The following ERCC6L2 variants were observed in gnomAD, a reference collection of about 807,000 sequenced individuals.
ERCC6L2 encodes DNA excision repair protein ERCC-6-like 2.
ERCC6L2 carries 77 observed loss-of-function variants against 132.0 expected under a neutral mutation model. The observed-to-expected ratio is 0.58, with a 90% CI of 0.49 to 0.71. The LOEUF (loss-of-function observed/expected upper bound fraction) is 0.71. Among genes scored for constraint, ERCC6L2 ranks in the 30% least tolerant of loss-of-function variants. The pLI is 0.00. For missense variants in ERCC6L2, 1,542 were observed against 1,837.6 expected (o/e 0.84, Z 2.94); for synonymous variants, 583 against 632.4 (o/e 0.92, Z 1.17).
intron 17 of ERCC6L2, among the ~76,000 whole-genome samples, chr9:96,001,332 G>C (rs1833670530): frequency 6.6e-6 from 1 of 152,298 alleles, no homozygotes; most frequent in East Asian, 1.9e-4. Flanking sequence ...CCTGCTGATT[G>C]GTGGAGCCGA....
intron 11 of ERCC6L2, among the ~76,000 whole-genome samples, chr9:95,936,094 G>A (rs1167377881): frequency 6.6e-6 from 1 of 152,140 alleles, no homozygotes; most frequent in African/African-American, 2.4e-5. Context: ...GTGGTAATAG[G>A]AATGGAGAAG....
chr9:95,971,380 T>A (rs1832406115), intron 15 of ERCC6L2, among the ~76,000 whole-genome samples: 1 of 152,190 alleles, frequency 6.6e-6, no homozygotes, highest in Non-Finnish European at 1.5e-5. Context: ...CTCTGATTAA[T>A]GTGCAAAGGT....
At chr9:95,922,904 A>AT (rs201379564) in intron 8 of ERCC6L2, among the ~76,000 whole-genome samples, 4,893 of 152,174 alleles carry the variant, frequency 0.032, 118 homozygotes, top group Middle Eastern at 0.051. Flanking sequence ...ATGATTTTAT[A>AT]TTTTTTTCTG....
Position 95,876,044 on chromosome 9 carries a change from T to C in ERCC6L2, c.6T>C (p.Asp2=). The change falls in exon 1 of 19, where the codon GAT becomes GAC. Residue 2 remains aspartate, a synonymous_variant. Coordinates refer to ENST00000653738, the MANE Select transcript of ERCC6L2 (RefSeq NM_020207.7). M[D]PSAPQPRAET... is the part of the protein sequence containing the mutation. ...CGGCCCCTCCCCCTGGCCGGATGGA[T>C]CCGTCGGCGCCACAGCCCCGCGCGG... 2 of 1,589,122 alleles carry C rather than the reference T, an allele frequency of 1.3e-6. No homozygotes were observed. Among genetic ancestry groups the C allele is most frequent in the Non-Finnish European group, 1.7e-6 (2 of 1,168,630 alleles).
intron 12 of ERCC6L2, among the ~76,000 whole-genome samples, chr9:95,944,522 T>C (rs1433921130): frequency 6.6e-6 from 1 of 152,188 alleles, no homozygotes; most frequent in East Asian, 1.9e-4. Context: ...GTAAATCGTT[T>C]TGTATGTTTT....
intron 19 of ERCC6L2, among the ~76,000 whole-genome samples, chr9:96,023,834 A>C (rs979893432): frequency 6.6e-6 from 1 of 152,184 alleles, no homozygotes; most frequent in African/African-American, 2.4e-5. Flanking sequence ...GACTTGAAAC[A>C]ATTGTGATGA....
At chr9:95,961,158 T>C (rs1374067396) in intron 13 of ERCC6L2, among the ~76,000 whole-genome samples, 2 of 152,114 alleles carry the variant, frequency 1.3e-5, no homozygotes, top group Non-Finnish European at 2.9e-5. Flanking sequence ...TAACCCTTGG[T>C]ACCTGTGAAT....
In ERCC6L2 at chr9:95,910,078, A is replaced by G. The variant is rs113688052; in HGVS notation, c.788+2807A>G. On this transcript the variant is annotated intron_variant, in intron 4 of 18. Coordinates refer to ENST00000653738, the MANE Select transcript of ERCC6L2 (RefSeq NM_020207.7). ...TTGGATGTAGTGTTTATAAATATCA[A>G]TAAGACTAGATTGGCCAAGATGTTG... is the stretch of plus-strand genomic sequence containing the variant. Among the ~76,000 whole-genome samples, 1,155 of 152,322 alleles carry G rather than the reference A, an allele frequency of 7.6e-3. 23 individuals are homozygous for G. The highest frequency in any genetic ancestry group is 0.027 in the African/African-American group (1,121 of 41,572).
chr9:96,035,241 C>A (rs1286310329), intron 19 of ERCC6L2, among the ~76,000 whole-genome samples: 1 of 152,128 alleles, frequency 6.6e-6, no homozygotes, highest in African/African-American at 2.4e-5. Flanking sequence ...GGGCGGGTCC[C>A]AGTAAGGCCC....
intron 17 of ERCC6L2, among the ~76,000 whole-genome samples, chr9:95,980,162 G>A (rs1468831468): frequency 6.6e-6 from 1 of 152,100 alleles, no homozygotes; most frequent in African/African-American, 2.4e-5. Context: ...TCTTTCAGTC[G>A]AAATATTTTT....
At chr9:95,944,103 T>G (rs1376557049) in intron 12 of ERCC6L2, among the ~76,000 whole-genome samples, 2 of 152,158 alleles carry the variant, frequency 1.3e-5, no homozygotes, top group African/African-American at 2.4e-5. Flanking sequence ...TCACAATAGC[T>G]AAAATGTGGA....
At chr9:96,034,837 G>A (rs1006553632) in intron 19 of ERCC6L2, among the ~76,000 whole-genome samples, 6 of 152,036 alleles carry the variant, frequency 3.9e-5, no homozygotes, top group African/African-American at 1.5e-4. Context: ...GAGGGAGCCA[G>A]GAGCAGGCAG....
At chr9:96,001,262 G>A (rs1340583549) in intron 17 of ERCC6L2, among the ~76,000 whole-genome samples, 5 of 152,254 alleles carry the variant, frequency 3.3e-5, no homozygotes, top group Non-Finnish European at 7.4e-5. Context: ...GGACCCGAGC[G>A]GGTTGCCAAT....
chr9:95,999,644 G>A (rs539721447), intron 17 of ERCC6L2, among the ~76,000 whole-genome samples: 9 of 152,118 alleles, frequency 5.9e-5, no homozygotes, highest in Middle Eastern at 3.4e-3. Context: ...CAAAATATGA[G>A]GATGGTATTT....
intron 17 of ERCC6L2, among the ~76,000 whole-genome samples, chr9:95,999,471 C>T (rs2133185568): frequency 6.6e-6 from 1 of 152,220 alleles, no homozygotes; most frequent in African/African-American, 2.4e-5. Flanking sequence ...GTTGCAAAAG[C>T]TGAATTTTCC....
Position 96,015,244 on chromosome 9 carries a change from T to C in ERCC6L2, c.*2041T>C, listed in dbSNP as rs1834160565. Among the ~76,000 whole-genome samples, 1 of 151,018 alleles carries C rather than the reference T, an allele frequency of 6.6e-6. No individual in the cohort carries two copies. Among genetic ancestry groups the C allele is most frequent in the Admixed American group, 6.6e-5 (1 of 15,200 alleles). On this transcript the variant is annotated 3_prime_UTR_variant, in exon 19 of 19. Coordinates refer to ENST00000653738, the MANE Select transcript of ERCC6L2 (RefSeq NM_020207.7). ...ACTCTGTCGCCAGGCTGGAGTGCAG[T>C]GGCTCGATCTTGGCTCACTGCAGCC...
intron 9 of ERCC6L2, among the ~76,000 whole-genome samples, chr9:95,926,053 A>G (rs1370122750): frequency 1.3e-5 from 2 of 152,194 alleles, no homozygotes; most frequent in African/African-American, 4.8e-5. Context: ...CTAGATACCT[A>G]TTAGAACGGC....
At chr9:96,020,420 C>G (rs1315560971), downstream of ERCC6L2, 3 of 281,534 alleles carry the variant, frequency 1.1e-5, no homozygotes, top group Non-Finnish European at 2.1e-5. Flanking sequence ...AATCATAGGG[C>G]AGGTCATCCC....
intron 19 of ERCC6L2, among the ~76,000 whole-genome samples, chr9:96,032,279 A>G (rs550355033): frequency 6.6e-6 from 1 of 152,290 alleles, no homozygotes; most frequent in Non-Finnish European, 1.5e-5. Context: ...CCCAGGAACG[A>G]GCAGCTCCAC....
Sources: gnomAD v4.1 joint callset for allele counts (sites outside exome capture counted in the v4.1 genomes callset) on GRCh38, gnomAD v4.1.1 for gene constraint, MANE v1.5 for transcripts, NCBI Gene and HGNC (gene_info 2026-07-23, HGNC 2026-07-21) for gene names.